The following PPP1R13L variants were observed in gnomAD, a reference collection of about 807,000 sequenced individuals.
The protein encoded by PPP1R13L is relA-associated inhibitor.
In PPP1R13L, 50 loss-of-function variants were observed where a neutral mutation model predicts 80.9. The observed-to-expected ratio is 0.62, with a 90% CI of 0.49 to 0.78. The LOEUF (loss-of-function observed/expected upper bound fraction) is 0.78, where lower values mean the gene tolerates loss of function less well. PPP1R13L is among the 30% of genes least tolerant of loss of function. PPP1R13L has a pLI of 0.00. For synonymous variants in PPP1R13L, 602 were observed against 534.3 expected (o/e 1.13, Z -1.75); for missense variants, 1,200 against 1,205.9 (o/e 1.00, Z 0.07).
At chr19:45,382,856 C>A (rs1599761347) in intron 11 of PPP1R13L, 130 bp from the exon 12 acceptor site, 1 of 809,054 alleles carries the variant, frequency 1.2e-6, no homozygotes, top group East Asian at 2.7e-5. Context: ...GTTGTGTGTG[C>A]CCATGGCTGT....
At chr19:45,382,878 G>T (rs1454697050) in intron 11 of PPP1R13L, 152 bp from the exon 12 acceptor site, 1 of 722,054 alleles carries the variant, frequency 1.4e-6, no homozygotes, top group Non-Finnish European at 2.3e-6. Flanking sequence ...GATGGGAACC[G>T]GAGCTGGAGT....
At chr19:45,388,782 G>T (rs1172626412) in intron 8 of PPP1R13L, among the ~76,000 whole-genome samples, 1 of 151,690 alleles carries the variant, frequency 6.6e-6, no homozygotes, top group African/African-American at 2.4e-5. Context: ...CTGTTGCCCA[G>T]GCTGGAGTGC....
At chr19:45,404,731 C>A (rs1000892061) in intron 1 of PPP1R13L, among the ~76,000 whole-genome samples, 4 of 152,162 alleles carry the variant, frequency 2.6e-5, no homozygotes, top group African/African-American at 4.8e-5. Context: ...TCCTAGAGCC[C>A]CCCAGTTCGA....
At position 45,395,586 on chromosome 19, in the gene PPP1R13L, G is replaced by C. The variant is rs1367969650; in HGVS notation, c.1204C>G (p.Pro402Ala). The change falls in exon 7 of 13, where the codon CCC becomes GCC. Residue 402 changes from proline (P) to alanine (A), a missense_variant. Physicochemically the swap from Pro to Ala is conservative, Grantham distance 27. This residue lies in a region of PPP1R13L where 764 missense variants were observed against 714.5 expected (regional missense o/e 1.07). Coordinates refer to ENST00000360957, the MANE Select transcript of PPP1R13L (RefSeq NM_006663.4). The part of the protein sequence containing the change: ...LPGSPLFTRA[P>A]PPKLQPQPQP... ...GGTTGGGGCTGCAGCTTAGGCGGGGGTGCTCGGGTGAAGAGGGGGGACCCA... is the reference window on the plus strand; with the variant it reads ...GGTTGGGGCTGCAGCTTAGGCGGGGCTGCTCGGGTGAAGAGGGGGGACCCA... The C allele has an allele frequency of 6.8e-7, 1 of 1,475,966 alleles. No homozygotes were observed. The highest frequency in any genetic ancestry group is 1.4e-5 in the African/African-American group (1 of 71,446). 91.4% of individuals were successfully genotyped at this position (1,475,966 alleles called of 1,614,324 possible).
intron 11 of PPP1R13L, among the ~76,000 whole-genome samples, chr19:45,384,756 A>G (rs534461293): frequency 6.6e-6 from 1 of 151,604 alleles, no homozygotes; most frequent in South Asian, 2.1e-4. Context: ...CAAGAGGCTG[A>G]GGCAGAGAAT....
chr19:45,391,353 A>G (rs968092826), intron 8 of PPP1R13L, among the ~76,000 whole-genome samples: 4 of 152,186 alleles, frequency 2.6e-5, no homozygotes, highest in African/African-American at 9.7e-5. Flanking sequence ...GTCCAGGTGT[A>G]TGACTCGAGA....
rs1405572289 is a variant in PPP1R13L at position 45,385,907 on chromosome 19, G to A, written c.1998C>T (p.Asn666=). The change falls in exon 10 of 13, where the codon AAC becomes AAT. Residue 666 remains asparagine (N), a synonymous_variant. Transcript: ENST00000360957. ...TAGAGTAGTTGGCGCCGCAGATGGC[G>A]TTGTGCAAGGCAGTGATGCCCTCCT... ...PNEEGITALH[N]AICGANYSIV... The A allele has an allele frequency of 5.0e-6, 8 of 1,612,038 alleles. No individual in the cohort carries two copies. The highest frequency in any genetic ancestry group is 6.8e-6 in the Non-Finnish European group (8 of 1,179,236).
Position 45,395,668 on chromosome 19 carries a change from C to G in PPP1R13L, c.1122G>C (p.Met374Ile). The change falls in exon 7 of 13, where the codon ATG becomes ATC. Residue 374 changes from methionine (M) to isoleucine (I), a missense_variant. This residue lies in a region of PPP1R13L where 764 missense variants were observed against 714.5 expected (regional missense o/e 1.07). Coordinates refer to ENST00000360957, the MANE Select transcript of PPP1R13L (RefSeq NM_006663.4). Reference protein sequence around the residue: ...APRQRPIPLSMIFKLQNAFWE... With the variant: ...APRQRPIPLSIIFKLQNAFWE... ...AGAAGGCGTTCTGCAGCTTGAAGAT[C>G]ATGCTGAGGGGGATGGGACGCTGGC... 1 of 1,451,618 alleles carries G rather than the reference C, an allele frequency of 6.9e-7. No individual in the cohort carries two copies. The highest frequency in any genetic ancestry group is 9.0e-7 in the Non-Finnish European group (1 of 1,112,540). The allele number at this position is 1,451,618 out of a possible 1,614,324, so 89.9% of individuals were successfully genotyped here. A position where few individuals can be genotyped will look rare whatever the true frequency, so the allele number is the denominator to read the frequency against.
intron 7 of PPP1R13L, chr19:45,392,619 T>G: frequency 1.9e-6 from 1 of 533,534 alleles, no homozygotes; most frequent in South Asian, 2.0e-5. Flanking sequence ...CATCTCCACA[T>G]TACCGAAAGG....
At chr19:45,381,714 T>G (rs1972765446) in intron 12 of PPP1R13L, among the ~76,000 whole-genome samples, 1 of 148,836 alleles carries the variant, frequency 6.7e-6, no homozygotes. Context: ...GCAGGTCACC[T>G]GAGGTCAGGA....
At chr19:45,399,618 CG>C (rs1381252322) in intron 1 of PPP1R13L, among the ~76,000 whole-genome samples, 2 of 137,410 alleles carry the variant, frequency 1.5e-5, no homozygotes, top group Non-Finnish European at 3.3e-5. Context: ...TGCGAGACTC[CG>C]TCTTAAAACA....
chr19:45,381,309 G>A (rs183843726), intron 12 of PPP1R13L, among the ~76,000 whole-genome samples: 48 of 151,286 alleles, frequency 3.2e-4, no homozygotes, highest in African/African-American at 1.1e-3. Context: ...AGATCCGCCC[G>A]CCTTGGCCTC....
At chr19:45,382,824 T>C in intron 11 of PPP1R13L, 98 bp from the exon 12 acceptor site, 1 of 1,120,612 alleles carries the variant, frequency 8.9e-7, no homozygotes. Context: ...ATTTGGCGCC[T>C]GTCCCAGCAA....
At chr19:45,387,889 G>C (rs560356136) in intron 8 of PPP1R13L, among the ~76,000 whole-genome samples, 1 of 152,256 alleles carries the variant, frequency 6.6e-6, no homozygotes, top group East Asian at 1.9e-4. Flanking sequence ...AAATGGCTGG[G>C]TGCGGTGGCT....
chr19:45,398,019 C>T lies in PPP1R13L; in HGVS notation c.184G>A (p.Gly62Arg). The T allele has an allele frequency of 1.9e-6, 3 of 1,612,228 alleles. No homozygotes were observed. Among genetic ancestry groups the T allele is most frequent in the Non-Finnish European group, 2.5e-6 (3 of 1,178,732 alleles). Residue 62 changes from glycine (G) to arginine (R), a missense_variant, in exon 3 of 13, where the codon GGA becomes AGA. By Grantham distance (125) the Gly-to-Arg change is moderately radical. Coordinates refer to ENST00000360957, the MANE Select transcript of PPP1R13L (RefSeq NM_006663.4). The stretch of plus-strand genomic sequence containing the variant: ...ACCAGGCTTACCCTAGAAGGGGGTC[C>T]GGCCTGCGGGCCAGGAGGCGCGGGA... ...DSPAPPGPQA[G>R]PPSRPPRYSS...
At chr19:45,399,420 C>T (rs187667849) in intron 1 of PPP1R13L, among the ~76,000 whole-genome samples, 203 of 145,730 alleles carry the variant, frequency 1.4e-3, no homozygotes, top group Non-Finnish European at 2.3e-3. Flanking sequence ...GTCAGGAGAG[C>T]GAGACCATCC....
At chr19:45,397,877 T>C in intron 3 of PPP1R13L, 128 bp downstream of exon 3, 2 of 1,290,178 alleles carry the variant, frequency 1.6e-6, no homozygotes, top group South Asian at 1.7e-5. Flanking sequence ...GGTCCCCTTT[T>C]TTCAAGTTCC....
chr19:45,398,289 C>T lies in PPP1R13L; in HGVS notation c.30G>A (p.Arg10=), dbSNP rs1973156204. Residue 10 remains arginine (R), a synonymous_variant, in exon 2 of 13, where the codon CGG becomes CGA. Transcript: ENST00000360957. ...ACTGGAAGTTCATGTCCAGAAAGTC[C>T]CGCGCGCTCTGGAATGCCTCGCTGT... The part of the protein sequence containing the change: MDSEAFQSA[R]DFLDMNFQSL... 3 of 1,613,834 alleles carry T rather than the reference C, an allele frequency of 1.9e-6. No homozygotes were observed. Among genetic ancestry groups the T allele is most frequent in the Non-Finnish European group, 2.5e-6 (3 of 1,179,956 alleles).
Position 45,395,695 on chromosome 19 carries a change from CG to C in PPP1R13L, c.1094del (p.Pro365ArgfsTer10). The C allele has an allele frequency of 1.2e-6, 1 of 829,208 alleles. No individual in the cohort carries two copies. 51.4% of individuals were successfully genotyped at this position (829,208 alleles called of 1,614,324 possible). On this transcript the variant is annotated frameshift_variant, in exon 7 of 13. Coordinates refer to ENST00000360957, the MANE Select transcript of PPP1R13L (RefSeq NM_006663.4). LOFTEE classifies it high-confidence loss of function. Reference sequence around the variant, plus strand: ...TGCTGAGGGGGATGGGACGCTGGCGCGGGGCCCCGCGGGGCTGGGGGCTGGA... The same window carrying C: ...TGCTGAGGGGGATGGGACGCTGGCGCGGGCCCCGCGGGGCTGGGGGCTGGA... ...PPSSPQPRGA[P>X]RQRPIPLSMI...
Sources: gnomAD v4.1 joint callset for allele counts (sites outside exome capture counted in the v4.1 genomes callset) on GRCh38, gnomAD v4.1.1 for gene constraint, gnomAD v4.1.1 regional missense constraint, MANE v1.5 for transcripts, NCBI Gene and HGNC (gene_info 2026-07-23, HGNC 2026-07-21) for gene names.